Variants in ATRNL1 observed in about 807,000 individuals in gnomAD.
ATRNL1 encodes the protein attractin like 1.
A neutral mutation model predicts 182.7 loss-of-function variants in ATRNL1; 95 were observed. The ratio of observed to expected loss-of-function variants is 0.52; its 90% CI spans 0.44 to 0.62. The LOEUF (loss-of-function observed/expected upper bound fraction) is 0.62. Among genes scored for constraint, ATRNL1 ranks in the 20% least tolerant of loss-of-function variants. The pLI, the probability that ATRNL1 is intolerant of heterozygous loss-of-function variation, is 0.00. For synonymous variants in ATRNL1, 576 were observed against 568.3 expected, an observed-to-expected ratio of 1.01 and a Z score of -0.19; for missense variants, 1,471 against 1,679.5, an observed-to-expected ratio of 0.88 and a Z score of 2.17.
intron 19 of ATRNL1, among the ~76,000 whole-genome samples, chr10:115,390,402 T>C (rs606534): frequency 0.1 from 15,220 of 152,196 alleles, 2,551 homozygotes; most frequent in African/African-American, 0.34. Context: ...TGCATGTGAA[T>C]ATCTAGTTTT....
chr10:115,393,669 T>A (rs1026698067), intron 19 of ATRNL1, among the ~76,000 whole-genome samples: 2 of 152,258 alleles, frequency 1.3e-5, no homozygotes, highest in East Asian at 3.9e-4. Flanking sequence ...GGCAAAGATA[T>A]CTGCTATGTG....
chr10:115,834,045 A>C (rs1465215927), intron 27 of ATRNL1, among the ~76,000 whole-genome samples: 2 of 152,068 alleles, frequency 1.3e-5, no homozygotes, highest in Non-Finnish European at 2.9e-5. Flanking sequence ...GCTATACCTC[A>C]ATGGAATGCC....
chr10:115,687,881 G>A (rs1946268975), intron 26 of ATRNL1, among the ~76,000 whole-genome samples: 2 of 151,854 alleles, frequency 1.3e-5, no homozygotes, highest in Admixed American at 1.3e-4. Flanking sequence ...AGTCACCCTA[G>A]CCTGCTATCA....
At chr10:115,933,688 A>C (rs1953473358) in intron 28 of ATRNL1, among the ~76,000 whole-genome samples, 1 of 152,234 alleles carries the variant, frequency 6.6e-6, no homozygotes, top group Non-Finnish European at 1.5e-5. Context: ...GGAAGCCACA[A>C]ACTCAGCTGG....
intron 25 of ATRNL1, among the ~76,000 whole-genome samples, chr10:115,520,711 T>C (rs1850882234): frequency 6.6e-6 from 1 of 152,196 alleles, no homozygotes. Flanking sequence ...TTCCTCCATG[T>C]GGGCCCATAT....
At chr10:115,193,790 A>G (rs1554890422) in intron 8 of ATRNL1, among the ~76,000 whole-genome samples, 3 of 151,214 alleles carry the variant, frequency 2.0e-5, no homozygotes, top group Admixed American at 6.6e-5. Flanking sequence ...ATGTGCCATT[A>G]GGTTGTTTAT....
intron 24 of ATRNL1, among the ~76,000 whole-genome samples, chr10:115,506,200 T>C (rs547839813): frequency 6.6e-6 from 1 of 152,092 alleles, no homozygotes; most frequent in East Asian, 1.9e-4. Context: ...GTGGGGAATT[T>C]AGCCACTTCA....
In ATRNL1 at chr10:115,334,104, A is replaced by G. The variant is rs373221217; in HGVS notation, c.3038-178A>G. Among the ~76,000 whole-genome samples the G allele has an allele frequency of 8.0e-4, 122 of 152,330 alleles. 2 individuals carry two copies. The South Asian group carries it at 0.025, about 31-fold the overall frequency. The stretch of plus-strand genomic sequence containing the variant: ...AAAATTTCAACACATGATTTATGGT[A>G]CATACTGTCTTGCACAAAACTTTGA... On this transcript the variant is annotated intron_variant, in intron 18 of 28. Transcript: ENST00000355044.
chr10:115,562,215 T>C (rs188216818), intron 26 of ATRNL1, among the ~76,000 whole-genome samples: 1 of 152,288 alleles, frequency 6.6e-6, no homozygotes, highest in East Asian at 1.9e-4. Context: ...TACTGATGCA[T>C]GTTATAACAA....
At chr10:115,532,550 A>G (rs1456989065) in intron 25 of ATRNL1, among the ~76,000 whole-genome samples, 3 of 151,926 alleles carry the variant, frequency 2.0e-5, no homozygotes, top group Non-Finnish European at 4.4e-5. Context: ...TTTTCTAGAT[A>G]TACAATCATG....
intron 27 of ATRNL1, among the ~76,000 whole-genome samples, chr10:115,830,031 C>A (rs567533410): frequency 3.6e-4 from 55 of 152,330 alleles, no homozygotes; most frequent in African/African-American, 1.3e-3. Flanking sequence ...AGCAGACCTG[C>A]AACAAGAGAG....
At chr10:115,601,596 T>C (rs1555015932) in intron 26 of ATRNL1, among the ~76,000 whole-genome samples, 1 of 152,228 alleles carries the variant, frequency 6.6e-6, no homozygotes, top group African/African-American at 2.4e-5. Context: ...GACTTGTTCA[T>C]GATTTAACAT....
chr10:115,646,588 G>A (rs1555032534), intron 26 of ATRNL1, among the ~76,000 whole-genome samples: 3 of 151,586 alleles, frequency 2.0e-5, no homozygotes, highest in African/African-American at 7.3e-5. Flanking sequence ...ATACCTGCTT[G>A]GAAGAGGACT....
chr10:115,938,333 T>C (rs1380840076), intron 28 of ATRNL1, among the ~76,000 whole-genome samples: 6 of 152,230 alleles, frequency 3.9e-5, no homozygotes, highest in Non-Finnish European at 5.9e-5. Context: ...GTGGTTTTCA[T>C]TGCAAATTTA....
chr10:115,888,401 A>G (rs1952002339), intron 28 of ATRNL1, among the ~76,000 whole-genome samples: 1 of 152,118 alleles, frequency 6.6e-6, no homozygotes, highest in Non-Finnish European at 1.5e-5. Flanking sequence ...CAGAGACCAC[A>G]TCTGTTTTTT....
At chr10:115,154,075 C>A (rs1554881434) in intron 5 of ATRNL1, among the ~76,000 whole-genome samples, 1 of 151,234 alleles carries the variant, frequency 6.6e-6, no homozygotes, top group East Asian at 1.9e-4. Context: ...GTCTGAGAGA[C>A]AGCTTGTTAT....
chr10:115,365,695 C>T (rs368792047), intron 19 of ATRNL1, among the ~76,000 whole-genome samples: 2 of 151,494 alleles, frequency 1.3e-5, no homozygotes, highest in Non-Finnish European at 2.9e-5. Context: ...GCTTTGAATG[C>T]GTCCCAGAGA....
At chr10:115,288,647 G>A (rs1274764645) in intron 15 of ATRNL1, among the ~76,000 whole-genome samples, 1 of 151,622 alleles carries the variant, frequency 6.6e-6, no homozygotes, top group African/African-American at 2.4e-5. Context: ...TCAGCCTCCC[G>A]AGTAGCTGGG....
At chr10:115,432,333 TCTC>T (rs1846212144) in intron 21 of ATRNL1, among the ~76,000 whole-genome samples, 1 of 152,216 alleles carries the variant, frequency 6.6e-6, no homozygotes, top group Non-Finnish European at 1.5e-5. Flanking sequence ...GGACAACTCT[TCTC>T]TAGATTACAT....
Sources: gnomAD v4.1 joint callset for allele counts (sites outside exome capture counted in the v4.1 genomes callset) on GRCh38, gnomAD v4.1.1 for gene constraint, MANE v1.5 for transcripts, NCBI Gene and HGNC (gene_info 2026-07-23, HGNC 2026-07-21) for gene names.